Variants in MACROD2 observed in about 807,000 individuals in gnomAD.
The protein encoded by MACROD2 is ADP-ribose glycohydrolase MACROD2.
In MACROD2, 36 loss-of-function variants were observed where a neutral mutation model predicts 70.4. That is an observed-to-expected ratio of 0.51 (90% confidence interval 0.39 to 0.68). The LOEUF (loss-of-function observed/expected upper bound fraction) is 0.68, where lower values mean the gene tolerates loss of function less well. MACROD2 is among the 30% of genes least tolerant of loss of function. The pLI is 0.00. For synonymous variants in MACROD2, 172 were observed against 178.8 expected (o/e 0.96, Z 0.30); for missense variants, 496 against 538.4 (o/e 0.92, Z 0.78).
rs1555822608 is a variant in MACROD2, at chr20:14,731,008, C to CACACACAT, written c.418+46050_418+46051insCACACATA. 3.6e-5 allele frequency among the ~76,000 whole-genome samples: 4 copies of CACACACAT among 111,986 alleles called. No individual in the cohort carries two copies. In the Admixed American group the frequency reaches 4.5e-4, roughly 13 times the overall value. 73.5% of individuals were successfully genotyped at this position (111,986 alleles called of 152,430 possible). ...ACACACACACACACACACACACACA[C>CACACACAT]ATGCACACACACACTCACAAACACA... On this transcript the variant is annotated intron_variant, in intron 5 of 17. Coordinates refer to ENST00000684519, the MANE Select transcript of MACROD2 (RefSeq NM_001351661.2).
At chr20:14,435,163 A>G (rs775229157) in intron 3 of MACROD2, among the ~76,000 whole-genome samples, 7 of 152,144 alleles carry the variant, frequency 4.6e-5, no homozygotes, top group Non-Finnish European at 1.0e-4. Flanking sequence ...CCCTGCTTCC[A>G]ATTTGTGGTG....
chr20:14,496,624 G>A (rs1372466127), intron 4 of MACROD2, among the ~76,000 whole-genome samples: 1 of 152,088 alleles, frequency 6.6e-6, no homozygotes, highest in African/African-American at 2.4e-5. Context: ...GCAGTTCATT[G>A]TAGTGAGCAT....
intron 10 of MACROD2, 49 bp from the exon 11 acceptor site, chr20:15,933,227 T>A (rs1253268930): frequency 1.3e-6 from 2 of 1,574,798 alleles, no homozygotes; most frequent in Non-Finnish European, 1.7e-6. Flanking sequence ...AAGAGATATT[T>A]CACAAATTGA....
In MACROD2 at chr20:15,429,866, T is replaced by TAACCG. The variant is rs1356629578; in HGVS notation, c.541-1538_541-1534dup. The stretch of plus-strand genomic sequence containing the variant: ...AATGGTGAAGACTAGGCTTTTAGTG[T>TAACCG]AACCGTCACTCTAACAGTGTACATA... On this transcript the variant is annotated intron_variant, in intron 6 of 17. Transcript: ENST00000684519. 3.3e-5 allele frequency among the ~76,000 whole-genome samples: 5 copies of TAACCG among 152,200 alleles called. No homozygotes were observed. The East Asian group carries it at 9.7e-4, about 29-fold the overall frequency.
intron 7 of MACROD2, among the ~76,000 whole-genome samples, chr20:15,454,349 C>T (rs1882045186): frequency 6.6e-6 from 1 of 150,798 alleles, no homozygotes; most frequent in Non-Finnish European, 1.5e-5. Flanking sequence ...CCTAACACTG[C>T]CTTCCCCTCT....
chr20:15,738,937 C>A (rs2051064839), intron 8 of MACROD2, among the ~76,000 whole-genome samples: 1 of 151,890 alleles, frequency 6.6e-6, no homozygotes, highest in African/African-American at 2.4e-5. Flanking sequence ...TTTTTACAAT[C>A]ATTTTAATAG....
chr20:14,461,472 T>G (rs1181257775), intron 3 of MACROD2, among the ~76,000 whole-genome samples: 1 of 152,022 alleles, frequency 6.6e-6, no homozygotes, highest in Non-Finnish European at 1.5e-5. Context: ...CTGCTAGATT[T>G]TGAATTTGTT....
At chr20:15,818,769 C>A (rs898398382) in intron 8 of MACROD2, among the ~76,000 whole-genome samples, 3 of 152,138 alleles carry the variant, frequency 2.0e-5, no homozygotes, top group Admixed American at 6.6e-5. Flanking sequence ...TGATATGCTC[C>A]TGGAGCCAGT....
chr20:15,047,340 T>C (rs2075402752), intron 5 of MACROD2, among the ~76,000 whole-genome samples: 1 of 152,164 alleles, frequency 6.6e-6, no homozygotes, highest in African/African-American at 2.4e-5. Flanking sequence ...ACTGAGATGC[T>C]CAACTTCAGT....
rs188083828 is a variant in MACROD2 at position 15,619,407 on chromosome 20, T to G, written c.645+119560T>G. 120 of 236,708 alleles carry G rather than the reference T, an allele frequency of 5.1e-4. 1 individual carries two copies. The East Asian group carries it at 0.016, about 31-fold the overall frequency. 14.7% of individuals were successfully genotyped at this position (236,708 alleles called of 1,614,324 possible). The stretch of plus-strand genomic sequence containing the variant: ...AGTCAGATCTCTTTCATTGTCTCAG[T>G]TACAATTTTGCAATGGCGATTTCAG... On this transcript the variant is annotated intron_variant, in intron 8 of 17. Transcript: ENST00000684519.
At chr20:15,756,096 C>T (rs747402116) in intron 8 of MACROD2, among the ~76,000 whole-genome samples, 2 of 152,174 alleles carry the variant, frequency 1.3e-5, no homozygotes, top group East Asian at 1.9e-4. Context: ...CATCCCTGCT[C>T]TTGGTCCATG....
chr20:14,406,491 G>A (rs1282573984), intron 3 of MACROD2, among the ~76,000 whole-genome samples: 1 of 152,076 alleles, frequency 6.6e-6, no homozygotes, highest in Non-Finnish European at 1.5e-5. Context: ...GTGCTAGATT[G>A]TATCAATATT....
chr20:14,987,520 A>T (rs1032191754), intron 5 of MACROD2, among the ~76,000 whole-genome samples: 1 of 152,182 alleles, frequency 6.6e-6, no homozygotes, highest in Non-Finnish European at 1.5e-5. Context: ...TCACAAATCC[A>T]GAGGCTTTTA....
At chr20:15,923,675 C>T (rs955510291) in intron 10 of MACROD2, among the ~76,000 whole-genome samples, 5 of 152,178 alleles carry the variant, frequency 3.3e-5, no homozygotes. Context: ...AGTTTGAGGA[C>T]CAGTACTCCA....
At chr20:15,788,684 G>A (rs146259134) in intron 8 of MACROD2, among the ~76,000 whole-genome samples, 1 of 152,128 alleles carries the variant, frequency 6.6e-6, no homozygotes, top group Admixed American at 6.5e-5. Flanking sequence ...CAGAATAAAT[G>A]TACGTTTTAA....
intron 3 of MACROD2, among the ~76,000 whole-genome samples, chr20:14,367,857 G>A (rs1363229122): frequency 1.3e-5 from 2 of 151,984 alleles, no homozygotes; most frequent in African/African-American, 4.8e-5. Flanking sequence ...AATTCTGTCT[G>A]CTGTTTCTTT....
intron 5 of MACROD2, among the ~76,000 whole-genome samples, chr20:14,922,455 T>C (rs1288549088): frequency 2.0e-5 from 3 of 152,182 alleles, no homozygotes; most frequent in Non-Finnish European, 4.4e-5. Context: ...AAAGTTTGCT[T>C]TTATATTCCA....
At chr20:14,146,751 A>G (rs2054948035) in intron 3 of MACROD2, among the ~76,000 whole-genome samples, 1 of 152,222 alleles carries the variant, frequency 6.6e-6, no homozygotes, top group South Asian at 2.1e-4. Flanking sequence ...TTAGATTGAT[A>G]GGATGAAGGA....
intron 8 of MACROD2, among the ~76,000 whole-genome samples, chr20:15,682,299 A>G (rs2050170861): frequency 6.6e-6 from 1 of 152,226 alleles, no homozygotes; most frequent in African/African-American, 2.4e-5. Context: ...TTTAGACTTT[A>G]GTTGAACAAA....
Sources: gnomAD v4.1 joint callset for allele counts (sites outside exome capture counted in the v4.1 genomes callset) on GRCh38, gnomAD v4.1.1 for gene constraint, MANE v1.5 for transcripts, NCBI Gene and HGNC (gene_info 2026-07-23, HGNC 2026-07-21) for gene names.